SLC7A7: variants seen among roughly 807,000 people sequenced by gnomAD.
SLC7A7 encodes the protein Y+L amino acid transporter 1.
SLC7A7 carries 39 observed loss-of-function variants against 47.9 expected under a neutral mutation model. The ratio of observed to expected loss-of-function variants is 0.81; its 90% confidence interval spans 0.63 to 1.06. The LOEUF (loss-of-function observed/expected upper bound fraction) is 1.06, where lower values mean the gene tolerates loss of function less well. Ranked by LOEUF, SLC7A7 falls within the 50% of genes least tolerant of loss-of-function variation. The pLI is 0.00. For synonymous variants in SLC7A7, 234 were observed against 242.8 expected, an observed-to-expected ratio of 0.96 and a Z score of 0.34; for missense variants, 588 against 632.0, an observed-to-expected ratio of 0.93 and a Z score of 0.75.
intron 2 of SLC7A7, among the ~76,000 whole-genome samples, chr14:22,802,508 C>A (rs924588332): frequency 6.6e-6 from 1 of 152,162 alleles, no homozygotes; most frequent in Non-Finnish European, 1.5e-5. Flanking sequence ...CACAGCTCTT[C>A]TGGCACAAAA....
chr14:22,803,167 C>T (rs2039144460), intron 2 of SLC7A7, among the ~76,000 whole-genome samples: 1 of 152,164 alleles, frequency 6.6e-6, no homozygotes. Flanking sequence ...TGCCTGTAAT[C>T]CCAGCACCTT....
At chr14:22,813,544 C>G in intron 1 of SLC7A7, 104 bp from the exon 2 acceptor site, 2 of 860,310 alleles carry the variant, frequency 2.3e-6, no homozygotes. Flanking sequence ...CCAACCAATG[C>G]GGAGACCTCC....
At chr14:22,795,410 C>CT (rs1388205588) in intron 2 of SLC7A7, among the ~76,000 whole-genome samples, 2 of 110,918 alleles carry the variant, frequency 1.8e-5, no homozygotes. Flanking sequence ...TTCTTTCTTT[C>CT]TTTCTTTCTT....
At chr14:22,815,591 G>C (rs911603876), upstream of SLC7A7, 42 of 454,012 alleles carry the variant, frequency 9.3e-5, no homozygotes, top group Admixed American at 3.5e-4. Context: ...GCAGCTAGGA[G>C]CTCTTGGCTC....
At chr14:22,802,678 C>A (rs1329119825) in intron 2 of SLC7A7, among the ~76,000 whole-genome samples, 2 of 152,134 alleles carry the variant, frequency 1.3e-5, no homozygotes, top group African/African-American at 4.8e-5. Flanking sequence ...AGGTTTTTGT[C>A]ATTTCCTGCC....
rs386833797 is a variant in SLC7A7, at chr14:22,775,446, T to A, written c.1093A>T (p.Asn365Tyr). Residue 365 changes from asparagine to tyrosine, a missense_variant and splice_region_variant, in exon 7 of 10, where the codon AAT becomes TAT. Coordinates refer to ENST00000674313, the MANE Select transcript of SLC7A7 (RefSeq NM_003982.4). Reference protein sequence around the residue: ...RFTPVPSLLFNGIMALIYLCV... With the variant: ...RFTPVPSLLFYGIMALIYLCV... ...GTCTCATCCTTGAGTTCACTTACAT[T>A]GAAGAGCAGAGAAGGCACTGGTGTG... 1 of 1,613,508 alleles carries A rather than the reference T, an allele frequency of 6.2e-7. No individual in the cohort carries two copies. The highest frequency in any genetic ancestry group is 1.1e-5 in the South Asian group (1 of 91,066).
intron 2 of SLC7A7, among the ~76,000 whole-genome samples, chr14:22,787,173 C>T (rs562031650): frequency 7.9e-5 from 12 of 152,022 alleles, no homozygotes; most frequent in Non-Finnish European, 1.8e-4. Flanking sequence ...CAGTGGCTCA[C>T]GCCTGTAATA....
intron 4 of SLC7A7, among the ~76,000 whole-genome samples, chr14:22,777,252 A>T (rs74336362): frequency 1.3e-5 from 2 of 151,900 alleles, no homozygotes; most frequent in Non-Finnish European, 2.9e-5. Context: ...TACCCCAAAG[A>T]TCTTTTGGTG....
chr14:22,804,746 A>C (rs1415871552), intron 2 of SLC7A7, among the ~76,000 whole-genome samples: 1 of 152,214 alleles, frequency 6.6e-6, no homozygotes, highest in Non-Finnish European at 1.5e-5. Context: ...TAATCCCAGC[A>C]CTTCGGGAGG....
intron 7 of SLC7A7, 25 bp from the exon 8 acceptor site, chr14:22,774,528 T>G (rs753807200): frequency 1.7e-5 from 27 of 1,614,006 alleles, no homozygotes; most frequent in Middle Eastern, 3.3e-4. Flanking sequence ...CTAAGTCAGC[T>G]CTTCTCAGGG....
At chr14:22,814,984 T>A (rs2039383306) in intron 1 of SLC7A7, 1 of 229,416 alleles carries the variant, frequency 4.4e-6, no homozygotes, top group Non-Finnish European at 8.9e-6. Context: ...CATCGTTGAA[T>A]CACCCAAAAA....
At position 22,801,916 on chromosome 14, in the gene SLC7A7, C is replaced by T. The variant is rs186411978; in HGVS notation, c.499+10984G>A. On this transcript the variant is annotated intron_variant, in intron 2 of 9. Coordinates refer to ENST00000674313, the MANE Select transcript of SLC7A7 (RefSeq NM_003982.4). ...ATGACAGTGCAGGGAACGTGGCAACCTCTTCGCAAATACTTGTTGAATGTT... is the reference window on the plus strand; with the variant it reads ...ATGACAGTGCAGGGAACGTGGCAACTTCTTCGCAAATACTTGTTGAATGTT... 3.4e-4 allele frequency among the ~76,000 whole-genome samples: 52 copies of T among 152,344 alleles called. No individual in the cohort carries two copies. In the East Asian group the frequency reaches 9.4e-3, roughly 28 times the overall value.
chr14:22,784,412 G>C (rs1448636710), intron 2 of SLC7A7, among the ~76,000 whole-genome samples: 4 of 152,194 alleles, frequency 2.6e-5, no homozygotes, highest in African/African-American at 4.8e-5. Flanking sequence ...GAGGTCAAGA[G>C]ATCGAGACCA....
chr14:22,803,540 C>T (rs1320251133), intron 2 of SLC7A7, among the ~76,000 whole-genome samples: 2 of 152,188 alleles, frequency 1.3e-5, no homozygotes, highest in Non-Finnish European at 2.9e-5. Flanking sequence ...GCTCTGCAGG[C>T]ATCTGGAGAC....
rs765772581 is a variant in SLC7A7, at chr14:22,776,206, C to G, written c.883G>C (p.Ala295Pro). The G allele has an allele frequency of 5.0e-6, 8 of 1,614,220 alleles. No homozygotes were observed. The highest frequency in any genetic ancestry group is 1.6e-4 in the Middle Eastern group (1 of 6,062). Reference protein sequence around the residue: ...LDMRDILASDAVAVTFADQIF... With the variant: ...LDMRDILASDPVAVTFADQIF... ...TGAAAATCCTTTACCACAGCAACAG[C>G]ATCACTGGCCAAGATGTCTCTCATG... is the stretch of plus-strand genomic sequence containing the variant. Residue 295 changes from alanine (A) to proline (P), a missense_variant, in exon 5 of 10, where the codon GCT becomes CCT. Transcript: ENST00000674313.
chr14:22,777,841 A>G (rs1225741010), intron 4 of SLC7A7, among the ~76,000 whole-genome samples: 9 of 152,202 alleles, frequency 5.9e-5, no homozygotes, highest in African/African-American at 2.2e-4. Context: ...TGGGAGGCTA[A>G]GGCGGGCGGA....
At chr14:22,807,458 G>C (rs180858054) in intron 2 of SLC7A7, among the ~76,000 whole-genome samples, 381 of 152,208 alleles carry the variant, frequency 2.5e-3, no homozygotes, top group African/African-American at 8.9e-3. Context: ...TGTAATCCTA[G>C]CTACTCAGGA....
At chr14:22,807,339 A>G (rs1027550161) in intron 2 of SLC7A7, among the ~76,000 whole-genome samples, 8 of 152,100 alleles carry the variant, frequency 5.3e-5, no homozygotes, top group Non-Finnish European at 1.2e-4. Context: ...TTCCAAAAAC[A>G]TTCTCCATGT....
At chr14:22,775,958 G>T in intron 5 of SLC7A7, 22 bp from the exon 6 acceptor site, 1 of 1,578,070 alleles carries the variant, frequency 6.3e-7, no homozygotes, top group Non-Finnish European at 8.7e-7. Flanking sequence ...GAATGGAAGA[G>T]TCATTAGCAG....
Sources: gnomAD v4.1 joint callset for allele counts (sites outside exome capture counted in the v4.1 genomes callset) on GRCh38, gnomAD v4.1.1 for gene constraint, MANE v1.5 for transcripts, NCBI Gene and HGNC (gene_info 2026-07-23, HGNC 2026-07-21) for gene names.